The following PUDP variants were observed in gnomAD, a reference collection of about 807,000 sequenced individuals.
The protein encoded by PUDP is pseudouridine 5'-phosphatase.
A neutral mutation model predicts 9.4 loss-of-function variants in PUDP; 8 were observed. The observed-to-expected ratio is 0.85, with a 90% CI of 0.50 to 1.53. The LOEUF (loss-of-function observed/expected upper bound fraction) is 1.53, where lower values mean the gene tolerates loss of function less well. PUDP is among the 40% of genes most tolerant of loss of function. PUDP has a pLI of 0.00. For missense variants in PUDP, 188 were observed against 189.7 expected (o/e 0.99, Z 0.05); for synonymous variants, 99 against 80.7 (o/e 1.23, Z -1.22).
intron 3 of PUDP, among the ~76,000 whole-genome samples, chrX:6,878,304 A>T (rs1927295207): frequency 9.0e-6 from 1 of 111,434 alleles, no homozygotes; most frequent in East Asian, 2.8e-4. Flanking sequence ...AATAACATGA[A>T]ATTCCTGCCA....
chrX:6,836,983 T>C (rs1926592548), intron 3 of PUDP, among the ~76,000 whole-genome samples: 1 of 112,367 alleles, frequency 8.9e-6, no homozygotes, highest in Non-Finnish European at 1.9e-5. Context: ...TGGGGTAGTA[T>C]GCATTGGTCA....
chrX:7,144,536 A>T (rs1447304683), intron 1 of PUDP, among the ~76,000 whole-genome samples: 1 of 111,295 alleles, frequency 9.0e-6, no homozygotes, highest in Non-Finnish European at 1.9e-5. Context: ...TGGGCTTGGT[A>T]ATCCCCACAG....
chrX:7,066,116 A>AT (rs1452797612), intron 3 of PUDP, among the ~76,000 whole-genome samples: 1 of 111,983 alleles, frequency 8.9e-6, no homozygotes, highest in East Asian at 2.8e-4. Flanking sequence ...ACTAGATTGT[A>AT]TTTTTACTGG....
At chrX:7,051,620 G>C (rs1468920612) in intron 3 of PUDP, among the ~76,000 whole-genome samples, 1 of 112,157 alleles carries the variant, frequency 8.9e-6, no homozygotes, top group Non-Finnish European at 1.9e-5. Flanking sequence ...TTATCAGTGA[G>C]CTCCTAAAGG....
At chrX:6,968,867 G>A (rs764594913) in intron 3 of PUDP, among the ~76,000 whole-genome samples, 16 of 111,693 alleles carry the variant, frequency 1.4e-4, no homozygotes, top group Non-Finnish European at 3.0e-4. Context: ...TGATCTGCCC[G>A]CCTCGGCCTC....
chrX:6,917,891 C>T (rs1186999384), intron 3 of PUDP, among the ~76,000 whole-genome samples: 4 of 111,794 alleles, frequency 3.6e-5, no homozygotes, highest in Admixed American at 9.5e-5. Flanking sequence ...GATAATGTGG[C>T]GATGGGTAAT....
At position 6,745,079 on chromosome X, in the gene PUDP, C is replaced by T. The variant is rs946185609; in HGVS notation, c.*248-38613G>A. 1.7e-4 allele frequency among the ~76,000 whole-genome samples: 19 copies of T among 111,646 alleles called. 2 individuals are homozygous for T. The highest frequency in any genetic ancestry group is 1.6e-3 in the Admixed American group (17 of 10,494). ...CTTTTTGCCTGTTTACATAGTCCTG[C>T]TCGAAAATTGCAGCATGATGGCAGT... is the stretch of plus-strand genomic sequence containing the variant. On this transcript the variant is annotated intron_variant and NMD_transcript_variant, in intron 3 of 3. Transcript: ENST00000655425.
At chrX:7,111,876 C>G (rs895267512) in intron 1 of PUDP, among the ~76,000 whole-genome samples, 1 of 110,946 alleles carries the variant, frequency 9.0e-6, no homozygotes, top group Non-Finnish European at 1.9e-5. Flanking sequence ...TTTTGTTAAC[C>G]GTGAGTTATA....
chrX:6,840,076 C>G (rs1178714659), intron 3 of PUDP, among the ~76,000 whole-genome samples: 1 of 111,232 alleles, frequency 9.0e-6, no homozygotes, highest in African/African-American at 3.3e-5. Flanking sequence ...GTGGGAGGGA[C>G]CTGGTGGGAG....
intron 1 of PUDP, among the ~76,000 whole-genome samples, chrX:7,002,910 C>T (rs776900016): frequency 2.9e-4 from 32 of 110,364 alleles, no homozygotes; most frequent in Non-Finnish European, 4.9e-4. Context: ...CAAGGAGCCC[C>T]GGAAAGCACC....
intron 3 of PUDP, among the ~76,000 whole-genome samples, chrX:6,926,263 C>T (rs1165021494): frequency 1.8e-5 from 2 of 111,835 alleles, no homozygotes; most frequent in Admixed American, 9.5e-5. Context: ...GAAAGCCCTG[C>T]CAGAGGAAGC....
chrX:7,061,591 C>T (rs1930405155), intron 3 of PUDP, among the ~76,000 whole-genome samples: 1 of 103,970 alleles, frequency 9.6e-6, no homozygotes, highest in East Asian at 3.0e-4. Flanking sequence ...CCCACCCCCA[C>T]CCCCGCTGCC....
rs573719345 is a variant in PUDP, at chrX:6,940,784, G to A, written c.*247+36349C>T. ...CTTGTTTACAAACTTCCACTCCCAT[G>A]TCCCTGCACACCACTGTTGACTCCT... On this transcript the variant is annotated intron_variant and NMD_transcript_variant, in intron 3 of 3. Coordinates refer to the PUDP transcript ENST00000655425. 7.5e-4 allele frequency among the ~76,000 whole-genome samples: 84 copies of A among 111,588 alleles called. 1 individual carries two copies. Among genetic ancestry groups the A allele is most frequent in the Middle Eastern group, 4.6e-3 (1 of 216 alleles).
At chrX:6,776,476 A>G (rs982705817) in intron 3 of PUDP, among the ~76,000 whole-genome samples, 8 of 111,381 alleles carry the variant, frequency 7.2e-5, no homozygotes, top group African/African-American at 2.6e-4. Flanking sequence ...GTTTGCAGTG[A>G]GCCAAGATTG....
chrX:7,131,452 AGGG>A (rs1932617717), intron 1 of PUDP, among the ~76,000 whole-genome samples: 3 of 110,567 alleles, frequency 2.7e-5, no homozygotes, highest in Admixed American at 9.6e-5. Context: ...ATCCAATGGC[AGGG>A]GTCCTTATTT....
intron 3 of PUDP, among the ~76,000 whole-genome samples, chrX:6,760,769 T>C (rs1797240979): frequency 8.9e-6 from 1 of 112,206 alleles, no homozygotes; most frequent in South Asian, 3.7e-4. Context: ...ACCTGTGGAA[T>C]ATTTCCTTTT....
intron 1 of PUDP, among the ~76,000 whole-genome samples, chrX:7,005,246 A>G (rs1017523653): frequency 9.0e-6 from 1 of 111,131 alleles, no homozygotes; most frequent in Admixed American, 9.6e-5. Flanking sequence ...GGAGGAGGTC[A>G]TATTGAACTA....
chrX:6,941,731 G>A (rs1443151198), intron 3 of PUDP, among the ~76,000 whole-genome samples: 2 of 111,288 alleles, frequency 1.8e-5, no homozygotes, highest in Non-Finnish European at 3.8e-5. Flanking sequence ...AAGTAAAAAT[G>A]CTGTATTTAT....
rs1555909727 is a variant in PUDP, at chrX:6,775,504, TACACAC to T, written c.*248-69044_*248-69039del. 7.9e-5 allele frequency among the ~76,000 whole-genome samples: 8 copies of T among 100,844 alleles called. 1 individual carries two copies. Among genetic ancestry groups the T allele is most frequent in the East Asian group, 6.1e-4 (2 of 3,253 alleles). The allele number at this position is 100,844 out of a possible 115,157, so 87.6% of individuals were successfully genotyped here. ...ATAGATACACACATATACACACACATACACACACACACACACACACACATATATGTA... is the reference window on the plus strand; with the variant it reads ...ATAGATACACACATATACACACACATACACACACACACACACATATATGTA... On this transcript the variant is annotated intron_variant and NMD_transcript_variant, in intron 3 of 3. Coordinates refer to the PUDP transcript ENST00000655425.
Sources: gnomAD v4.1 joint callset for allele counts (sites outside exome capture counted in the v4.1 genomes callset) on GRCh38, gnomAD v4.1.1 for gene constraint, MANE v1.5 for transcripts, NCBI Gene and HGNC (gene_info 2026-07-23, HGNC 2026-07-21) for gene names.